Variants in CNTFR observed in about 807,000 individuals in gnomAD.
CNTFR encodes the protein ciliary neurotrophic factor receptor subunit alpha.
CNTFR carries 12 observed loss-of-function variants against 40.4 expected under a neutral mutation model. That is an observed-to-expected ratio of 0.30 (90% confidence interval 0.19 to 0.48). CNTFR has a LOEUF of 0.48. Among genes scored for constraint, CNTFR ranks in the 20% least tolerant of loss-of-function variants. CNTFR has a pLI of 0.99. For missense variants in CNTFR, 414 were observed against 506.8 expected, an observed-to-expected ratio of 0.82 and a Z score of 1.76; for synonymous variants, 202 against 209.6, an observed-to-expected ratio of 0.96 and a Z score of 0.31.
Position 34,556,881 on chromosome 9 carries a change from A to G in CNTFR, c.605-463T>C, listed in dbSNP as rs547316411. Among the ~76,000 whole-genome samples, 7 of 152,302 alleles carry G rather than the reference A, an allele frequency of 4.6e-5. No homozygotes were observed. The East Asian group carries it at 1.3e-3, about 29-fold the overall frequency. On this transcript the variant is annotated intron_variant, in intron 6 of 9. Coordinates refer to ENST00000378980, the MANE Select transcript of CNTFR (RefSeq NM_147164.3). ...CCAAACTAAGACCTGGGTCAAGGGT[A>G]AAAGACAGTCCACAGGTGTTGCAGA...
At chr9:34,558,701 T>G (rs1181935774) in intron 4 of CNTFR, among the ~76,000 whole-genome samples, 2 of 152,144 alleles carry the variant, frequency 1.3e-5, no homozygotes, top group East Asian at 3.9e-4. Flanking sequence ...GTTCCCTTTG[T>G]GTGTACCTCA....
chr9:34,580,907 C>T (rs1827259458), intron 2 of CNTFR, among the ~76,000 whole-genome samples, 188 bp downstream of exon 2: 1 of 152,178 alleles, frequency 6.6e-6, no homozygotes, highest in African/African-American at 2.4e-5. Flanking sequence ...TAAGTCTCTT[C>T]CCTTTCTATT....
chr9:34,565,522 C>A (rs899045325), intron 3 of CNTFR, among the ~76,000 whole-genome samples: 1 of 152,130 alleles, frequency 6.6e-6, no homozygotes, highest in Non-Finnish European at 1.5e-5. Context: ...GAACTCCTGG[C>A]AGCTGTCAAG....
chr9:34,557,590 G>A lies in CNTFR; in HGVS notation c.540C>T (p.Ser180=). ...GGCCCAGGGCATTGCTGACACTTATGGAGACCTTGTACTTGATGGTGGAGA... is the reference window on the plus strand; with the variant it reads ...GGCCCAGGGCATTGCTGACACTTATAGAGACCTTGTACTTGATGGTGGAGA... ...HLFSTIKYKV[S]ISVSNALGHN... Residue 180 remains serine, a synonymous_variant, in exon 6 of 10, where the codon TCC becomes TCT. Coordinates refer to ENST00000378980, the MANE Select transcript of CNTFR (RefSeq NM_147164.3). The surrounding 1 kb of genome is among the most constrained non-coding windows in gnomAD (Gnocchi z 4.2). 6.2e-7 allele frequency: 1 copy of A among 1,614,194 alleles called. No homozygotes were observed. Among genetic ancestry groups the A allele is most frequent in the Non-Finnish European group, 8.5e-7 (1 of 1,180,034 alleles).
chr9:34,569,628 C>T (rs1826488398), intron 2 of CNTFR: 1 of 152,754 alleles, frequency 6.5e-6, no homozygotes, highest in Admixed American at 6.5e-5. Flanking sequence ...TGAGCCTTGC[C>T]ACTGGGCCCT....
At chr9:34,566,927 C>G (rs1049810268) in intron 3 of CNTFR, among the ~76,000 whole-genome samples, 2 of 151,908 alleles carry the variant, frequency 1.3e-5, no homozygotes, top group Non-Finnish European at 2.9e-5. Context: ...CAGGGCAGAA[C>G]GAAAAAATGA....
chr9:34,587,731 G>A lies in CNTFR; in HGVS notation c.-112+1824C>T, dbSNP rs559955731. ...GAGTCCCAGAATATAAGTGTGAATC[G>A]GAGTGAGCATGAGGGTCTTTGTGTG... On this transcript the variant is annotated intron_variant, in intron 1 of 9. Coordinates refer to ENST00000378980, the MANE Select transcript of CNTFR (RefSeq NM_147164.3). Among the ~76,000 whole-genome samples, 6 of 152,204 alleles carry A rather than the reference G, an allele frequency of 3.9e-5. No homozygotes were observed. In the South Asian group the frequency reaches 6.2e-4, roughly 16 times the overall value.
intron 2 of CNTFR, among the ~76,000 whole-genome samples, chr9:34,572,464 C>T (rs1271540074): frequency 6.6e-6 from 1 of 152,164 alleles, no homozygotes; most frequent in Admixed American, 6.5e-5. Flanking sequence ...CTCTCAGCCC[C>T]TCAAAGAGGT....
At chr9:34,585,090 A>G (rs1827482365) in intron 1 of CNTFR, among the ~76,000 whole-genome samples, 1 of 152,186 alleles carries the variant, frequency 6.6e-6, no homozygotes, top group Non-Finnish European at 1.5e-5. Flanking sequence ...AGCCAGGCAC[A>G]TGGTCGTGCC....
chr9:34,590,726 C>T (rs1827741809), upstream of CNTFR, among the ~76,000 whole-genome samples: 2 of 152,224 alleles, frequency 1.3e-5, no homozygotes, highest in African/African-American at 2.4e-5. Context: ...CCCTTCGCAG[C>T]CTGGGCCTCT....
chr9:34,562,885 C>T (rs1484427030), intron 4 of CNTFR, among the ~76,000 whole-genome samples: 1 of 152,090 alleles, frequency 6.6e-6, no homozygotes, highest in Non-Finnish European at 1.5e-5. Context: ...CTCACCTGGT[C>T]TTCCCTCTAC....
At chr9:34,577,457 T>C (rs1236628651) in intron 2 of CNTFR, among the ~76,000 whole-genome samples, 2 of 151,748 alleles carry the variant, frequency 1.3e-5, no homozygotes, top group Non-Finnish European at 2.9e-5. Flanking sequence ...CCAAAGAAGG[T>C]AGGTGGTGGG....
chr9:34,552,290 G>A lies in CNTFR; in HGVS notation c.989C>T (p.Pro330Leu), dbSNP rs1825660735. The part of the protein sequence containing the change: ...TSTTSSLAPP[P>L]TTKICDPGEL... ...CCCAGGGTCACAGATCTTCGTGGTA[G>A]GTGGGGGTGCCAGGGAGCTGGTGGT... Residue 330 changes from proline to leucine, a missense_variant, in exon 9 of 10, where the codon CCT (proline) becomes CTT (leucine). Physicochemically the swap from Pro to Leu is moderately conservative, Grantham distance 98. Coordinates refer to ENST00000378980, the MANE Select transcript of CNTFR (RefSeq NM_147164.3). This position sits in a 1 kb window ranked among gnomAD's most constrained non-coding sequence, Gnocchi z 5.1. 6.5e-7 allele frequency: 1 copy of A among 1,545,052 alleles called. No individual in the cohort carries two copies. Among genetic ancestry groups the A allele is most frequent in the Non-Finnish European group, 8.7e-7 (1 of 1,147,910 alleles).
chr9:34,575,165 C>A (rs1826891277), intron 2 of CNTFR, among the ~76,000 whole-genome samples: 1 of 152,212 alleles, frequency 6.6e-6, no homozygotes. Flanking sequence ...GACACATAGG[C>A]TCTGGAGAGC....
At chr9:34,555,142 G>C (rs1458836150) in intron 7 of CNTFR, among the ~76,000 whole-genome samples, 2 of 152,238 alleles carry the variant, frequency 1.3e-5, no homozygotes, top group Non-Finnish European at 2.9e-5. Context: ...GCTCGTTAGC[G>C]GGGGAGGGGG....
chr9:34,566,460 G>A (rs986434553), intron 3 of CNTFR, among the ~76,000 whole-genome samples: 1 of 152,100 alleles, frequency 6.6e-6, no homozygotes, highest in East Asian at 1.9e-4. Flanking sequence ...CTAAACAGGG[G>A]CCTCCCCCTG....
At chr9:34,558,077 C>T in intron 4 of CNTFR, 93 bp from the exon 5 acceptor site, 2 of 863,566 alleles carry the variant, frequency 2.3e-6, no homozygotes, top group Non-Finnish European at 1.7e-6. Flanking sequence ...CCCAGCTCTC[C>T]CCCCTCAACC....
At chr9:34,588,112 G>T (rs757350407) in intron 1 of CNTFR, among the ~76,000 whole-genome samples, 2 of 151,916 alleles carry the variant, frequency 1.3e-5, no homozygotes, top group Non-Finnish European at 2.9e-5. Flanking sequence ...GGTCTCAGTT[G>T]GAGTATCAGC....
chr9:34,566,947 G>A (rs985943778), intron 3 of CNTFR, among the ~76,000 whole-genome samples: 3 of 152,136 alleles, frequency 2.0e-5, no homozygotes, highest in African/African-American at 7.2e-5. Flanking sequence ...ACAACACAAT[G>A]GCAGAAGACA....
Sources: gnomAD v4.1 joint callset for allele counts (sites outside exome capture counted in the v4.1 genomes callset) on GRCh38, gnomAD v4.1.1 for gene constraint, Gnocchi (gnomAD v3.1) non-coding constraint, MANE v1.5 for transcripts, NCBI Gene and HGNC (gene_info 2026-07-23, HGNC 2026-07-21) for gene names.